WWC2: variants seen among roughly 807,000 people sequenced by gnomAD.
The protein encoded by WWC2 is WW and C2 domain containing 2.
A neutral mutation model predicts 138.5 loss-of-function variants in WWC2; 101 were observed. That is an observed-to-expected ratio of 0.73 (90% CI 0.62 to 0.86). The LOEUF (loss-of-function observed/expected upper bound fraction) is 0.86. Among genes scored for constraint, WWC2 ranks in the 40% least tolerant of loss-of-function variants. WWC2 has a pLI of 0.00. For missense variants in WWC2, 1,420 were observed against 1,419.4 expected (o/e 1.00, Z -0.01); for synonymous variants, 558 against 538.4 (o/e 1.04, Z -0.50).
At chr4:183,164,308 ATATTATATATAC>A (rs1734054015) in intron 1 of WWC2, among the ~76,000 whole-genome samples, 14 of 740 alleles carry the variant, frequency 0.019, no homozygotes, top group African/African-American at 0.024. Flanking sequence ...ATACATATAT[ATATTATATATAC>A]ATATATATAT....
Position 183,274,248 on chromosome 4 carries a change from TTC to T in WWC2, c.2562+3009_2562+3010del, listed in dbSNP as rs540809746. Among the ~76,000 whole-genome samples, 302 of 152,288 alleles carry T rather than the reference TTC, an allele frequency of 2.0e-3. 1 individual carries two copies. The highest frequency in any genetic ancestry group is 2.2e-3 in the Non-Finnish European group (148 of 68,008). ...AGAGTTTTAGTATCAGTTTACTAAT[TTC>T]TGCAAAAAAAGATAGCCAAGATTTT... On this transcript the variant is annotated intron_variant, in intron 16 of 22. Transcript: ENST00000403733.
chr4:183,205,863 C>T (rs563588611), intron 2 of WWC2, among the ~76,000 whole-genome samples: 1 of 152,132 alleles, frequency 6.6e-6, no homozygotes, highest in Admixed American at 6.5e-5. Flanking sequence ...ATTTATCTGC[C>T]TATAGCGTCC....
At chr4:183,226,117 T>TA in intron 4 of WWC2, among the ~76,000 whole-genome samples, 1 of 145,510 alleles carries the variant, frequency 6.9e-6, no homozygotes, top group Non-Finnish European at 1.5e-5. Context: ...TTTTTTTTGA[T>TA]ACAGGGTCTC....
At chr4:183,292,999 A>G (rs1738510534) in intron 21 of WWC2, among the ~76,000 whole-genome samples, 1 of 152,232 alleles carries the variant, frequency 6.6e-6, no homozygotes, top group Non-Finnish European at 1.5e-5. Flanking sequence ...TCTGTTACCC[A>G]GGCTGGGGTG....
chr4:183,161,695 A>G (rs921856910), intron 1 of WWC2, among the ~76,000 whole-genome samples: 1 of 152,158 alleles, frequency 6.6e-6, no homozygotes, highest in African/African-American at 2.4e-5. Flanking sequence ...ACAGTTGCCT[A>G]CGGTATTCTG....
At chr4:183,200,827 G>T (rs1201378292) in intron 2 of WWC2, among the ~76,000 whole-genome samples, 1 of 152,174 alleles carries the variant, frequency 6.6e-6, no homozygotes, top group Non-Finnish European at 1.5e-5. Flanking sequence ...ACAGTCTTTT[G>T]TAACCTAATC....
intron 1 of WWC2, among the ~76,000 whole-genome samples, chr4:183,138,569 C>CAA (rs1733192594): frequency 6.6e-6 from 1 of 152,066 alleles, no homozygotes; most frequent in African/African-American, 2.4e-5. Flanking sequence ...CGCAGGAGAC[C>CAA]ATATGGTCTG....
intron 4 of WWC2, among the ~76,000 whole-genome samples, chr4:183,234,720 T>A (rs1320997322): frequency 6.6e-6 from 1 of 151,906 alleles, no homozygotes; most frequent in African/African-American, 2.4e-5. Flanking sequence ...AGTAGTGTAG[T>A]TTGAGGATTG....
chr4:183,114,557 C>T (rs1426208289), intron 1 of WWC2, among the ~76,000 whole-genome samples: 1 of 152,050 alleles, frequency 6.6e-6, no homozygotes, highest in Non-Finnish European at 1.5e-5. Context: ...GATGAGATTA[C>T]TGGAAGAGAG....
intron 1 of WWC2, among the ~76,000 whole-genome samples, chr4:183,151,781 A>G (rs1483574388): frequency 1.3e-5 from 2 of 152,164 alleles, no homozygotes; most frequent in East Asian, 3.8e-4. Context: ...TCCCAGCACC[A>G]CTTATTAAAT....
chr4:183,145,707 G>A (rs931813825), intron 1 of WWC2, among the ~76,000 whole-genome samples: 1 of 152,204 alleles, frequency 6.6e-6, no homozygotes, highest in Non-Finnish European at 1.5e-5. Flanking sequence ...AAGCACTCTT[G>A]CATAGCAGTA....
intron 2 of WWC2, among the ~76,000 whole-genome samples, chr4:183,199,567 C>T (rs774965314): frequency 1.3e-5 from 2 of 151,866 alleles, no homozygotes; most frequent in Non-Finnish European, 2.9e-5. Context: ...TAGAAATTAA[C>T]GAACAAATAA....
chr4:183,120,288 G>A (rs1424923071), intron 1 of WWC2, among the ~76,000 whole-genome samples: 1 of 152,186 alleles, frequency 6.6e-6, no homozygotes, highest in Non-Finnish European at 1.5e-5. Context: ...TTAAATCATA[G>A]CATATAGAAT....
intron 1 of WWC2, among the ~76,000 whole-genome samples, chr4:183,156,818 C>T (rs1415999707): frequency 6.6e-6 from 1 of 152,186 alleles, no homozygotes; most frequent in African/African-American, 2.4e-5. Context: ...AAAGAATTCT[C>T]ATTTACCCTT....
chr4:183,207,971 A>T lies in WWC2; in HGVS notation c.260A>T (p.Asp87Val). The T allele has an allele frequency of 6.2e-7, 1 of 1,610,714 alleles. No homozygotes were observed. The highest frequency in any genetic ancestry group is 8.5e-7 in the Non-Finnish European group (1 of 1,178,486). Residue 87 changes from aspartate to valine, a missense_variant, in exon 3 of 23, where the codon GAT (aspartate) becomes GTT (valine). Coordinates refer to ENST00000403733, the MANE Select transcript of WWC2 (RefSeq NM_024949.6). ...DHINKTTQIEDPRKQWRGEQE... is the reference protein window; with the variant it reads ...DHINKTTQIEVPRKQWRGEQE... ...TTTTCAGAAACCACGCAGATAGAAG[A>T]TCCAAGAAAACAATGGAGGGGGGAA...
chr4:183,196,271 C>A (rs997697643), intron 2 of WWC2, among the ~76,000 whole-genome samples: 1 of 152,146 alleles, frequency 6.6e-6, no homozygotes, highest in Non-Finnish European at 1.5e-5. Flanking sequence ...GGGTCTAATA[C>A]ACCCTACAAA....
chr4:183,120,842 G>A (rs1407197385), intron 1 of WWC2, among the ~76,000 whole-genome samples: 1 of 152,170 alleles, frequency 6.6e-6, no homozygotes, highest in Non-Finnish European at 1.5e-5. Flanking sequence ...CTGACCTCCT[G>A]GGCTCAGGCA....
chr4:183,287,277 G>A (rs1158397755), intron 20 of WWC2, among the ~76,000 whole-genome samples: 4 of 152,130 alleles, frequency 2.6e-5, no homozygotes, highest in Non-Finnish European at 4.4e-5. Context: ...TTCAGCATTC[G>A]TCATTTTCAG....
chr4:183,103,875 G>C (rs1473733536), intron 1 of WWC2, among the ~76,000 whole-genome samples: 3 of 146,496 alleles, frequency 2.0e-5, no homozygotes, highest in East Asian at 2.1e-4. Flanking sequence ...ACCTTGTGAT[G>C]CGCCCACCTT....
Sources: gnomAD v4.1 joint callset for allele counts (sites outside exome capture counted in the v4.1 genomes callset) on GRCh38, gnomAD v4.1.1 for gene constraint, MANE v1.5 for transcripts, NCBI Gene and HGNC (gene_info 2026-07-23, HGNC 2026-07-21) for gene names.